WWC1: variants seen among roughly 807,000 people sequenced by gnomAD.
WWC1 encodes the protein protein KIBRA.
A neutral mutation model predicts 138.4 loss-of-function variants in WWC1; 55 were observed. The ratio of observed to expected loss-of-function variants is 0.40; its 90% CI spans 0.32 to 0.50. The LOEUF (loss-of-function observed/expected upper bound fraction) is 0.50. WWC1 is among the 20% of genes least tolerant of loss of function. The pLI is 0.72. For missense variants in WWC1, 1,226 were observed against 1,420.4 expected, an observed-to-expected ratio of 0.86 and a Z score of 2.20; for synonymous variants, 524 against 564.9, an observed-to-expected ratio of 0.93 and a Z score of 1.03.
intron 1 of WWC1, among the ~76,000 whole-genome samples, chr5:168,319,085 T>G (rs890000324): frequency 6.6e-5 from 10 of 152,232 alleles, no homozygotes; most frequent in Admixed American, 2.0e-4. Context: ...TGCTTCTGCA[T>G]TTTGGCTCTT....
chr5:168,304,506 T>C (rs1770377225), intron 1 of WWC1, among the ~76,000 whole-genome samples: 1 of 152,220 alleles, frequency 6.6e-6, no homozygotes, highest in South Asian at 2.1e-4. Context: ...CTAAGGTTTT[T>C]GCCCTCGTAC....
intron 2 of WWC1, among the ~76,000 whole-genome samples, chr5:168,379,269 G>T (rs1777444247): frequency 6.6e-6 from 1 of 152,164 alleles, no homozygotes; most frequent in South Asian, 2.1e-4. Context: ...ATCTCAAAGG[G>T]CCTGCCAGTT....
intron 2 of WWC1, among the ~76,000 whole-genome samples, chr5:168,381,186 T>C (rs956967982): frequency 6.6e-6 from 1 of 152,164 alleles, no homozygotes; most frequent in Non-Finnish European, 1.5e-5. Flanking sequence ...AAAGAGACCA[T>C]GAGCCACAAA....
intron 4 of WWC1, 101 bp from the exon 5 acceptor site, chr5:168,399,387 G>A (rs1779143641): frequency 8.2e-7 from 1 of 1,216,658 alleles, no homozygotes; most frequent in Non-Finnish European, 1.2e-6. Flanking sequence ...TCATTATGCA[G>A]GCGCAGTGGG....
intron 3 of WWC1, 68 bp from the exon 4 acceptor site, chr5:168,397,656 C>T (rs934698013): frequency 1.3e-6 from 2 of 1,543,490 alleles, no homozygotes; most frequent in African/African-American, 2.7e-5. Context: ...ATTTAGATGG[C>T]CAATAAGCCA....
rs113777429 is a variant in WWC1 at position 168,455,535 on chromosome 5, G to A, written c.2823+15G>A. The stretch of plus-strand genomic sequence containing the variant: ...ACGTGTGCCGGGTAAGTGAGCGTGC[G>A]GCCCTCTTCTGCTCCCCTCAGGGTA... On this transcript the variant is annotated intron_variant, in intron 19 of 22. Coordinates refer to ENST00000265293, the MANE Select transcript of WWC1 (RefSeq NM_015238.3). 3.2e-5 allele frequency: 52 copies of A among 1,610,358 alleles called. 1 individual carries two copies. The African/African-American group carries it at 6.1e-4, about 19-fold the overall frequency.
chr5:168,348,526 G>A (rs115366812), intron 1 of WWC1, among the ~76,000 whole-genome samples: 160 of 152,336 alleles, frequency 1.1e-3, no homozygotes, highest in African/African-American at 3.6e-3. Flanking sequence ...TTGGCTGTGA[G>A]CACAGGCCTC....
At chr5:168,337,255 A>T (rs1251242567) in intron 1 of WWC1, among the ~76,000 whole-genome samples, 1 of 151,944 alleles carries the variant, frequency 6.6e-6, no homozygotes, top group South Asian at 2.1e-4. Flanking sequence ...GCATCCATAT[A>T]CCCCACTCTC....
chr5:168,346,878 T>C (rs1464548160), intron 1 of WWC1, among the ~76,000 whole-genome samples: 1 of 152,148 alleles, frequency 6.6e-6, no homozygotes, highest in East Asian at 1.9e-4. Context: ...TTCGACCTGT[T>C]TCCCAGATGC....
chr5:168,315,305 T>G (rs910269224), intron 1 of WWC1, among the ~76,000 whole-genome samples: 9 of 151,970 alleles, frequency 5.9e-5, no homozygotes, highest in African/African-American at 2.2e-4. Context: ...GCCTACTGAA[T>G]CAGAATCCCA....
At chr5:168,370,455 G>T (rs17632944) in intron 1 of WWC1, among the ~76,000 whole-genome samples, 1 of 152,324 alleles carries the variant, frequency 6.6e-6, no homozygotes, top group African/African-American at 2.4e-5. Flanking sequence ...CACTTTGCCA[G>T]TCTATAGAAA....
chr5:168,298,131 C>T lies in WWC1; in HGVS notation c.119+5860C>T, dbSNP rs1039846441. Reference sequence around the variant, plus strand: ...TCAGCTCATTGCAACCTCTACTTCCCGGGTTCAAGCAATTCTCGTGCCTCA... The same window carrying T: ...TCAGCTCATTGCAACCTCTACTTCCTGGGTTCAAGCAATTCTCGTGCCTCA... On this transcript the variant is annotated intron_variant, in intron 1 of 22. Coordinates refer to ENST00000265293, the MANE Select transcript of WWC1 (RefSeq NM_015238.3). Among the ~76,000 whole-genome samples the T allele has an allele frequency of 2.2e-4, 33 of 152,128 alleles. 1 individual carries two copies. Among genetic ancestry groups the T allele is most frequent in the East Asian group, 1.9e-3 (10 of 5,182 alleles).
At chr5:168,418,317 A>C (rs936574863) in intron 9 of WWC1, among the ~76,000 whole-genome samples, 5 of 152,128 alleles carry the variant, frequency 3.3e-5, no homozygotes, top group African/African-American at 1.2e-4. Flanking sequence ...GCTGGTGTGC[A>C]GTCATGCAGG....
At chr5:168,451,075 TCACTGCAATCTC>T in intron 17 of WWC1, among the ~76,000 whole-genome samples, 1 of 74,608 alleles carries the variant, frequency 1.3e-5, no homozygotes, top group South Asian at 5.5e-4. Context: ...CGATCTCGGC[TCACTGCAATCTC>T]GGCTCACTGC....
chr5:168,393,072 CCTT>C (rs1351290115), intron 3 of WWC1, among the ~76,000 whole-genome samples: 1 of 151,674 alleles, frequency 6.6e-6, no homozygotes, highest in Middle Eastern at 3.4e-3. Context: ...ATGGAGGAAA[CCTT>C]CTAAAAATCA....
At chr5:168,440,806 C>A (rs958899422) in intron 15 of WWC1, among the ~76,000 whole-genome samples, 3 of 152,162 alleles carry the variant, frequency 2.0e-5, no homozygotes, top group African/African-American at 4.8e-5. Context: ...CGTGAGCCAC[C>A]GCGCCCGGCC....
intron 1 of WWC1, among the ~76,000 whole-genome samples, chr5:168,357,448 C>CTGTGTGTGTGTGTGTG (rs67198550): frequency 5.9e-5 from 8 of 134,526 alleles, no homozygotes; most frequent in African/African-American, 2.3e-4. Flanking sequence ...AACCTGCCTT[C>CTGTGTGTGTGTGTGTG]TGTGTGTGTG....
Position 168,414,111 on chromosome 5 carries a change from G to T in WWC1, c.942-237G>T, listed in dbSNP as rs769907571. 14 of 529,860 alleles carry T rather than the reference G, an allele frequency of 2.6e-5. No individual in the cohort carries two copies. In the South Asian group the frequency reaches 2.8e-4, roughly 11 times the overall value. 32.8% of individuals were successfully genotyped at this position (529,860 alleles called of 1,614,324 possible). On this transcript the variant is annotated intron_variant, in intron 8 of 22. Transcript: ENST00000265293. The stretch of plus-strand genomic sequence containing the variant: ...TCTATTGTACCAGGAACAGGGCAAG[G>T]ACATTGCCTTGTTCATGTCTGCACC...
chr5:168,338,265 C>G lies in WWC1; in HGVS notation c.120-33159C>G, dbSNP rs977077080. Among the ~76,000 whole-genome samples, 33 of 150,174 alleles carry G rather than the reference C, an allele frequency of 2.2e-4. 2 individuals carry two copies. Among genetic ancestry groups the G allele is most frequent in the Admixed American group, 2.1e-3 (32 of 15,110 alleles). ...GGCGGAGGTTGTGGTGAGCCGAGATCGCGCCACTGCACTCCAGCTTGGGCA... is the reference window on the plus strand; with the variant it reads ...GGCGGAGGTTGTGGTGAGCCGAGATGGCGCCACTGCACTCCAGCTTGGGCA... On this transcript the variant is annotated intron_variant, in intron 1 of 22. Transcript: ENST00000265293.
Sources: allele counts gnomAD v4.1 joint callset (sites outside exome capture counted in the v4.1 genomes callset), GRCh38; gene constraint gnomAD v4.1.1; transcripts MANE v1.5; gene names NCBI Gene and HGNC (gene_info 2026-07-23, HGNC 2026-07-21).